Variants in ATAD1 observed in about 807,000 individuals in gnomAD.
ATAD1 encodes the protein outer mitochondrial transmembrane helix translocase.
In ATAD1, 18 loss-of-function variants were observed where a neutral mutation model predicts 42.7. The ratio of observed to expected loss-of-function variants is 0.42; its 90% CI spans 0.29 to 0.63. The LOEUF is 0.63. ATAD1 is among the 20% of genes least tolerant of loss of function. The pLI is 0.19. For synonymous variants in ATAD1, 132 were observed against 143.1 expected (o/e 0.92, Z 0.55); for missense variants, 294 against 440.4 (o/e 0.67, Z 2.98).
At chr10:87,839,177 A>G (rs1384454225) in intron 1 of ATAD1, among the ~76,000 whole-genome samples, 1 of 152,164 alleles carries the variant, frequency 6.6e-6, no homozygotes, top group Non-Finnish European at 1.5e-5. Flanking sequence ...AACACTTCAA[A>G]TATATATATT....
chr10:87,755,255 CT>C (rs1163460364), intron 9 of ATAD1, among the ~76,000 whole-genome samples: 1 of 152,110 alleles, frequency 6.6e-6, no homozygotes, highest in Non-Finnish European at 1.5e-5. Flanking sequence ...GCATGTTTTG[CT>C]TTTTACAAAT....
chr10:87,778,083 G>GA (rs1855388667), intron 5 of ATAD1, among the ~76,000 whole-genome samples: 1 of 144,762 alleles, frequency 6.9e-6, no homozygotes, highest in African/African-American at 2.6e-5. Flanking sequence ...AAAATAATAT[G>GA]AAAAAATGCT....
intron 1 of ATAD1, among the ~76,000 whole-genome samples, chr10:87,816,037 A>G (rs1011785109): frequency 2.0e-5 from 3 of 152,140 alleles, no homozygotes; most frequent in African/African-American, 7.2e-5. Context: ...TGCTCCATAA[A>G]GCCTTTCAAA....
intron 1 of ATAD1, among the ~76,000 whole-genome samples, chr10:87,833,784 G>A (rs1478114401): frequency 7.4e-6 from 1 of 134,542 alleles, no homozygotes. Context: ...CTGGAGTGCA[G>A]TGGCATGATC....
intron 1 of ATAD1, among the ~76,000 whole-genome samples, chr10:87,816,766 C>T (rs1398631657): frequency 6.6e-6 from 1 of 152,128 alleles, no homozygotes; most frequent in Non-Finnish European, 1.5e-5. Context: ...GCAGTTGAAA[C>T]GTGTTATATC....
intron 2 of ATAD1, among the ~76,000 whole-genome samples, chr10:87,800,128 G>A: frequency 6.6e-6 from 1 of 150,712 alleles, no homozygotes. Flanking sequence ...ATAATTAAAG[G>A]GAAATTAAAA....
At chr10:87,802,054 G>A (rs1025283375) in intron 2 of ATAD1, among the ~76,000 whole-genome samples, 8 of 152,214 alleles carry the variant, frequency 5.3e-5, no homozygotes, top group Middle Eastern at 6.8e-3. Flanking sequence ...GAGCATATTT[G>A]TTTCTCTCTA....
intron 5 of ATAD1, 132 bp downstream of exon 5, chr10:87,784,336 CAT>C (rs1855715981): frequency 1.3e-6 from 1 of 759,056 alleles, no homozygotes; most frequent in East Asian, 2.9e-5. Context: ...AGAAATTATA[CAT>C]AGCATATTAT....
intron 8 of ATAD1, among the ~76,000 whole-genome samples, chr10:87,763,080 C>CAAAAA (rs71019501): frequency 7.5e-5 from 2 of 26,530 alleles, no homozygotes; most frequent in African/African-American, 2.4e-4. Flanking sequence ...GACTCTGTCA[C>CAAAAA]AAAAAAAAAA....
chr10:87,767,757 A>G (rs1554874894), intron 7 of ATAD1, 34 bp from the exon 8 acceptor site: 21 of 1,563,866 alleles, frequency 1.3e-5, no homozygotes, highest in Middle Eastern at 3.8e-4. Context: ...TAGCATTTTT[A>G]TTTTTTATTT....
At chr10:87,827,029 A>T (rs1251258139) in intron 1 of ATAD1, among the ~76,000 whole-genome samples, 2 of 152,156 alleles carry the variant, frequency 1.3e-5, no homozygotes, top group Non-Finnish European at 2.9e-5. Flanking sequence ...TCTGTTTCTG[A>T]ACCCAACACA....
intron 2 of ATAD1, among the ~76,000 whole-genome samples, chr10:87,802,713 T>G (rs1856760549): frequency 6.6e-6 from 1 of 151,810 alleles, no homozygotes; most frequent in African/African-American, 2.4e-5. Flanking sequence ...TCTGGCCAAT[T>G]AGAAGAAAGC....
intron 7 of ATAD1, 42 bp downstream of exon 7, chr10:87,770,910 G>T: frequency 6.5e-7 from 1 of 1,535,454 alleles, no homozygotes; most frequent in Non-Finnish European, 9.0e-7. Context: ...CTATAAAAAG[G>T]TGAGTATTTA....
At chr10:87,833,706 C>T (rs1857876957) in intron 1 of ATAD1, among the ~76,000 whole-genome samples, 1 of 141,000 alleles carries the variant, frequency 7.1e-6, no homozygotes. Context: ...AATGTTCTTT[C>T]TCTCTCTCTT....
At chr10:87,808,388 T>C (rs1356206078) in intron 2 of ATAD1, among the ~76,000 whole-genome samples, 2 of 150,280 alleles carry the variant, frequency 1.3e-5, no homozygotes, top group African/African-American at 2.5e-5. Context: ...TTGCTCCTAA[T>C]CATAAAGAGA....
intron 9 of ATAD1, 91 bp downstream of exon 9, chr10:87,756,698 G>T: frequency 8.3e-7 from 1 of 1,203,018 alleles, no homozygotes; most frequent in Non-Finnish European, 1.1e-6. Context: ...TTCATAAGCG[G>T]TGTTTCTAAT....
At chr10:87,772,892 A>C (rs1855116157) in intron 6 of ATAD1, among the ~76,000 whole-genome samples, 1 of 152,154 alleles carries the variant, frequency 6.6e-6, no homozygotes, top group African/African-American at 2.4e-5. Flanking sequence ...AAGTGACAGT[A>C]ATTTTTTACT....
Position 87,756,749 on chromosome 10 carries a change from G to C in ATAD1, c.965+40C>G, listed in dbSNP as rs748316748. Reference sequence around the variant, plus strand: ...AGAAACTAACCTAAAAGCTCTAAAAGATTTTGACAAGTGTTAAAAATCAAG... The same window carrying C: ...AGAAACTAACCTAAAAGCTCTAAAACATTTTGACAAGTGTTAAAAATCAAG... On this transcript the variant is annotated intron_variant, in intron 9 of 9. Transcript: ENST00000680024. The C allele has an allele frequency of 3.3e-6, 5 of 1,494,492 alleles. No homozygotes were observed. The Admixed American group carries it at 1.1e-4, about 33-fold the overall frequency. The allele number at this position is 1,494,492 out of a possible 1,614,324, so 92.6% of individuals were successfully genotyped here.
intron 8 of ATAD1, among the ~76,000 whole-genome samples, chr10:87,761,829 G>A (rs1854498681): frequency 6.6e-6 from 1 of 151,972 alleles, no homozygotes; most frequent in Non-Finnish European, 1.5e-5. Flanking sequence ...ATGCAGTGGT[G>A]CATCCACTGC....
Sources: gnomAD v4.1 joint callset for allele counts (sites outside exome capture counted in the v4.1 genomes callset) on GRCh38, gnomAD v4.1.1 for gene constraint, MANE v1.5 for transcripts, NCBI Gene and HGNC (gene_info 2026-07-23, HGNC 2026-07-21) for gene names.